The following OSBPL10 variants were observed in gnomAD, a reference collection of about 807,000 sequenced individuals.
OSBPL10 encodes the protein oxysterol-binding protein-related protein 10.
Under a neutral mutation model 81.7 loss-of-function variants are expected in OSBPL10, and 49 were observed. The observed-to-expected ratio is 0.60, with a 90% CI of 0.48 to 0.76. The LOEUF (loss-of-function observed/expected upper bound fraction) is 0.76. OSBPL10 is among the 30% of genes least tolerant of loss of function. The pLI is 0.00. For synonymous variants in OSBPL10, 419 were observed against 383.6 expected, an observed-to-expected ratio of 1.09 and a Z score of -1.08; for missense variants, 923 against 987.8, an observed-to-expected ratio of 0.93 and a Z score of 0.88.
At position 31,906,563 on chromosome 3, in the gene OSBPL10, G is replaced by A. The variant is rs559628948; in HGVS notation, c.282-26733C>T. On this transcript the variant is annotated intron_variant, in intron 1 of 11. Coordinates refer to ENST00000396556, the MANE Select transcript of OSBPL10 (RefSeq NM_017784.5). The stretch of plus-strand genomic sequence containing the variant: ...CTCTCCATAACCAGGGACATTTTGG[G>A]TACTTTATGAATATATACAGCTAGC... Among the ~76,000 whole-genome samples the A allele has an allele frequency of 2.0e-5, 3 of 152,192 alleles. No homozygotes were observed. The South Asian group carries it at 6.2e-4, about 32-fold the overall frequency.
At chr3:31,852,425 A>C (rs1170612932) in intron 3 of OSBPL10, among the ~76,000 whole-genome samples, 1 of 152,190 alleles carries the variant, frequency 6.6e-6, no homozygotes, top group Non-Finnish European at 1.5e-5. Flanking sequence ...TGTCAATAGT[A>C]CCAAGGTGGG....
intron 4 of OSBPL10, among the ~76,000 whole-genome samples, chr3:31,790,889 AGAAG>A (rs1197400674): frequency 6.6e-6 from 1 of 152,244 alleles, no homozygotes; most frequent in African/African-American, 2.4e-5. Flanking sequence ...CAGATGGTAC[AGAAG>A]ACACAGCTAT....
At chr3:31,723,666 G>C (rs1452668068) in intron 6 of OSBPL10, among the ~76,000 whole-genome samples, 1 of 151,960 alleles carries the variant, frequency 6.6e-6, no homozygotes, top group African/African-American at 2.4e-5. Context: ...GCAATGCATA[G>C]AGCCATAAGC....
chr3:31,812,322 G>A (rs546840636), intron 4 of OSBPL10, among the ~76,000 whole-genome samples: 4 of 152,296 alleles, frequency 2.6e-5, no homozygotes, highest in South Asian at 2.1e-4. Flanking sequence ...GTAAGCCACC[G>A]CGCCTGGCCC....
intron 1 of OSBPL10, among the ~76,000 whole-genome samples, chr3:32,074,950 C>T (rs1699861630): frequency 6.6e-6 from 1 of 152,200 alleles, no homozygotes; most frequent in Admixed American, 6.5e-5. Flanking sequence ...TTCCTTACCC[C>T]CAAAATCCAG....
chr3:31,829,640 G>A (rs9310980), intron 4 of OSBPL10, among the ~76,000 whole-genome samples: 3,231 of 152,214 alleles, frequency 0.021, 102 homozygotes, highest in African/African-American at 0.073. Context: ...GAAAGAAAGT[G>A]AAGCAGGGCA....
intron 4 of OSBPL10, among the ~76,000 whole-genome samples, chr3:31,811,427 C>T (rs763139878): frequency 6.6e-6 from 1 of 152,182 alleles, no homozygotes; most frequent in Non-Finnish European, 1.5e-5. Flanking sequence ...CCCCATGAGG[C>T]CTGCAGGTAA....
chr3:31,697,007 G>T (rs1358035237), intron 7 of OSBPL10, among the ~76,000 whole-genome samples: 1 of 152,192 alleles, frequency 6.6e-6, no homozygotes, highest in Non-Finnish European at 1.5e-5. Context: ...CTGTTACACT[G>T]ATGACTTCCA....
chr3:31,784,894 T>C (rs1004548654), intron 4 of OSBPL10, among the ~76,000 whole-genome samples: 2 of 73,890 alleles, frequency 2.7e-5, no homozygotes, highest in Non-Finnish European at 5.4e-5. Context: ...GGCGGGGGGG[T>C]GGGGATACAG....
intron 1 of OSBPL10, among the ~76,000 whole-genome samples, chr3:31,950,851 C>T (rs1314259145): frequency 6.6e-6 from 1 of 152,206 alleles, no homozygotes; most frequent in African/African-American, 2.4e-5. Context: ...ATGTGACATG[C>T]CTGCTCCCTC....
intron 4 of OSBPL10, among the ~76,000 whole-genome samples, chr3:31,777,785 T>C (rs1486745683): frequency 6.6e-6 from 1 of 152,156 alleles, no homozygotes. Context: ...GATTTAACCT[T>C]ACCTAGAGCT....
chr3:32,009,541 C>A (rs1197008969), intron 2 of OSBPL10, among the ~76,000 whole-genome samples: 2 of 152,158 alleles, frequency 1.3e-5, no homozygotes, highest in African/African-American at 4.8e-5. Context: ...TTGGACTGAG[C>A]TGAATCTAAT....
intron 4 of OSBPL10, among the ~76,000 whole-genome samples, chr3:31,825,240 T>G (rs1700071585): frequency 6.6e-6 from 1 of 151,970 alleles, no homozygotes; most frequent in Admixed American, 6.5e-5. Flanking sequence ...ACTCAAAGAG[T>G]GATTGACAAT....
chr3:32,069,547 C>T (rs113063986), intron 1 of OSBPL10, among the ~76,000 whole-genome samples: 17,256 of 152,276 alleles, frequency 0.11, 986 homozygotes, highest in Middle Eastern at 0.13. Context: ...AACCCTTAGA[C>T]GCTTTACCGC....
At chr3:31,810,684 G>A (rs377662133) in intron 4 of OSBPL10, among the ~76,000 whole-genome samples, 82 of 152,268 alleles carry the variant, frequency 5.4e-4, no homozygotes, top group African/African-American at 1.1e-3. Context: ...CTATAAATAC[G>A]AAGTGATGCT....
chr3:31,742,576 T>C (rs900983223), intron 5 of OSBPL10, among the ~76,000 whole-genome samples: 28 of 152,326 alleles, frequency 1.8e-4, no homozygotes, highest in African/African-American at 6.3e-4. Flanking sequence ...ATGACTCCAG[T>C]GTCCTTCCCC....
At chr3:31,719,587 G>A (rs1011888026) in intron 6 of OSBPL10, among the ~76,000 whole-genome samples, 1 of 152,134 alleles carries the variant, frequency 6.6e-6, no homozygotes, top group Admixed American at 6.5e-5. Context: ...GTGACAGACA[G>A]GATAATAGCA....
chr3:32,049,950 T>C (rs1372834357), intron 1 of OSBPL10, among the ~76,000 whole-genome samples: 2 of 152,182 alleles, frequency 1.3e-5, no homozygotes, highest in Non-Finnish European at 2.9e-5. Context: ...TCTCTTTCTA[T>C]GAAAACTTGT....
chr3:31,671,318 G>T (rs73826842), intron 8 of OSBPL10, among the ~76,000 whole-genome samples: 1 of 152,188 alleles, frequency 6.6e-6, no homozygotes, highest in Non-Finnish European at 1.5e-5. Flanking sequence ...GACTGACCTG[G>T]TAAGGGAAGG....
Sources: allele counts gnomAD v4.1 joint callset (sites outside exome capture counted in the v4.1 genomes callset), GRCh38; gene constraint gnomAD v4.1.1; transcripts MANE v1.5; gene names NCBI Gene and HGNC (gene_info 2026-07-23, HGNC 2026-07-21).